Variants in CSMD1 observed in about 807,000 individuals in gnomAD.
The protein encoded by CSMD1 is CUB and Sushi multiple domains 1.
Under a neutral mutation model 417.5 loss-of-function variants are expected in CSMD1, and 213 were observed. That is an observed-to-expected ratio of 0.51 (90% CI 0.46 to 0.57). CSMD1 has a LOEUF of 0.57. Among genes scored for constraint, CSMD1 ranks in the 20% least tolerant of loss-of-function variants. The probability of loss-of-function intolerance (pLI) is 0.00; values close to 1 mark genes in which losing one functional copy is unlikely to be tolerated. For missense variants in CSMD1, 6,923 were observed against 4,529.7 expected, an observed-to-expected ratio of 1.53 and a Z score of -15.17; for synonymous variants, 2,862 against 1,736.8, an observed-to-expected ratio of 1.65 and a Z score of -16.11.
intron 3 of CSMD1, among the ~76,000 whole-genome samples, chr8:4,035,913 C>A (rs1374137068): frequency 6.6e-6 from 1 of 152,204 alleles, no homozygotes; most frequent in Non-Finnish European, 1.5e-5. Context: ...CACACAGACT[C>A]ACCCAGAGCA....
chr8:3,120,703 C>CGGGGG (rs145611759), intron 41 of CSMD1, among the ~76,000 whole-genome samples: 22 of 138,364 alleles, frequency 1.6e-4, no homozygotes, highest in African/African-American at 5.8e-4. Context: ...AAAAATTAGC[C>CGGGGG]AGGGGGGGTG....
chr8:4,349,131 G>C (rs1403545007), intron 3 of CSMD1, among the ~76,000 whole-genome samples: 1 of 152,192 alleles, frequency 6.6e-6, no homozygotes, highest in Admixed American at 6.5e-5. Flanking sequence ...AATTCAGTCT[G>C]AATCCGAATA....
At chr8:4,150,919 C>A (rs192048966) in intron 3 of CSMD1, among the ~76,000 whole-genome samples, 1 of 149,894 alleles carries the variant, frequency 6.7e-6, no homozygotes, top group Non-Finnish European at 1.5e-5. Flanking sequence ...GTTCCCTCTC[C>A]TGTGCTTTAA....
intron 1 of CSMD1, among the ~76,000 whole-genome samples, chr8:4,913,428 G>A (rs1390178755): frequency 6.6e-6 from 1 of 152,096 alleles, no homozygotes; most frequent in Non-Finnish European, 1.5e-5. Flanking sequence ...TGGACACTCA[G>A]TGAATATTTC....
At chr8:3,803,741 G>C (rs978937817) in intron 5 of CSMD1, among the ~76,000 whole-genome samples, 4 of 152,162 alleles carry the variant, frequency 2.6e-5, no homozygotes, top group South Asian at 2.1e-4. Context: ...AGCCAGTGAC[G>C]AATCTTGATT....
chr8:4,342,367 G>A lies in CSMD1; in HGVS notation c.415+77586C>T, dbSNP rs148303922. On this transcript the variant is annotated intron_variant, in intron 3 of 69. Transcript: ENST00000635120. ...GAAAAATATGTGTATACATTCTACA[G>A]CTATCACATATGTTTATTATAGTAT... Among the ~76,000 whole-genome samples, 631 of 152,138 alleles carry A rather than the reference G, an allele frequency of 4.1e-3. 7 individuals carry two copies. The South Asian group carries it at 0.042, about 10-fold the overall frequency.
intron 10 of CSMD1, among the ~76,000 whole-genome samples, chr8:3,498,595 C>T (rs1176686079): frequency 2.0e-5 from 3 of 152,202 alleles, no homozygotes; most frequent in Admixed American, 6.5e-5. Flanking sequence ...AGATATCCTA[C>T]ACCTTTCTGA....
chr8:4,941,391 T>A (rs886902242), intron 1 of CSMD1, among the ~76,000 whole-genome samples: 1 of 152,164 alleles, frequency 6.6e-6, no homozygotes. Flanking sequence ...CTTTTGATGG[T>A]CTAAGATATT....
intron 4 of CSMD1, among the ~76,000 whole-genome samples, chr8:4,012,595 C>G (rs896462299): frequency 1.3e-5 from 2 of 152,026 alleles, no homozygotes; most frequent in African/African-American, 4.8e-5. Context: ...CCTCAGTAGG[C>G]CTCAGTGACT....
intron 12 of CSMD1, among the ~76,000 whole-genome samples, chr8:3,449,377 T>G (rs1324989333): frequency 6.6e-6 from 1 of 152,186 alleles, no homozygotes; most frequent in Non-Finnish European, 1.5e-5. Flanking sequence ...TGACAATGTC[T>G]CATGGGTTGG....
chr8:4,115,976 ATTT>A (rs1303528387), intron 3 of CSMD1, among the ~76,000 whole-genome samples: 1 of 31,648 alleles, frequency 3.2e-5, no homozygotes, highest in African/African-American at 9.4e-5. Context: ...TTATTTATTT[ATTT>A]ATTTATTTAT....
chr8:3,884,804 C>T (rs1028308810), intron 5 of CSMD1, among the ~76,000 whole-genome samples: 14 of 151,748 alleles, frequency 9.2e-5, no homozygotes, highest in Admixed American at 2.0e-4. Flanking sequence ...CCTTTTGGTA[C>T]GCTACGCAAG....
intron 12 of CSMD1, among the ~76,000 whole-genome samples, chr8:3,430,783 G>C (rs547132993): frequency 2.0e-4 from 30 of 151,920 alleles, no homozygotes; most frequent in South Asian, 1.7e-3. Flanking sequence ...CTGCAGCCTG[G>C]GTAACAGAAC....
chr8:4,884,494 A>G lies in CSMD1; in HGVS notation c.85+109838T>C, dbSNP rs144196749. On this transcript the variant is annotated intron_variant, in intron 1 of 69. Transcript: ENST00000635120. ...AGATTCATGCCTGTGTTTTCTTTGT[A>G]AGGATTTTATAATTTTAGCTCTTTC... Among the ~76,000 whole-genome samples the G allele has an allele frequency of 2.3e-4, 35 of 152,094 alleles. No homozygotes were observed. In the East Asian group the frequency reaches 6.8e-3, roughly 29 times the overall value.
At chr8:3,293,216 C>A (rs1045836806) in intron 25 of CSMD1, among the ~76,000 whole-genome samples, 1 of 152,166 alleles carries the variant, frequency 6.6e-6, no homozygotes, top group Non-Finnish European at 1.5e-5. Flanking sequence ...GATGGGCTTC[C>A]TTTTGTGGGT....
At chr8:4,406,788 C>G (rs960980868) in intron 3 of CSMD1, among the ~76,000 whole-genome samples, 1 of 152,188 alleles carries the variant, frequency 6.6e-6, no homozygotes, top group African/African-American at 2.4e-5. Flanking sequence ...CCTGAGTCAT[C>G]TGGTGTTTGA....
intron 30 of CSMD1, among the ~76,000 whole-genome samples, chr8:3,207,290 G>A (rs980103954): frequency 6.7e-6 from 1 of 149,774 alleles, no homozygotes; most frequent in African/African-American, 2.5e-5. Context: ...GCAATTACTC[G>A]GCGCCCGCCA....
At position 3,525,897 on chromosome 8, in the gene CSMD1, C is replaced by G. The variant is rs1220295963; in HGVS notation, c.1345-32171G>C. On this transcript the variant is annotated intron_variant, in intron 10 of 69. Transcript: ENST00000635120. ...ATTAACTTGATCTGTATAAGACAGC[C>G]AACTGGGCACCTACCACACACAAAT... Among the ~76,000 whole-genome samples, 5 of 152,228 alleles carry G rather than the reference C, an allele frequency of 3.3e-5. No individual in the cohort carries two copies. In the East Asian group the frequency reaches 9.6e-4, roughly 29 times the overall value.
intron 3 of CSMD1, among the ~76,000 whole-genome samples, chr8:4,294,778 G>A (rs1402780647): frequency 1.3e-5 from 2 of 151,580 alleles, no homozygotes; most frequent in Non-Finnish European, 2.9e-5. Flanking sequence ...TAATAATCAT[G>A]GGTAAAATAA....
Sources: allele counts gnomAD v4.1 joint callset (sites outside exome capture counted in the v4.1 genomes callset), GRCh38; gene constraint gnomAD v4.1.1; transcripts MANE v1.5; gene names NCBI Gene and HGNC (gene_info 2026-07-23, HGNC 2026-07-21).